AIG1: variants seen among roughly 807,000 people sequenced by gnomAD.
AIG1 encodes the protein androgen induced 1.
Under a neutral mutation model 31.4 loss-of-function variants are expected in AIG1, and 23 were observed. The observed-to-expected ratio is 0.73, with a 90% CI of 0.53 to 1.04. The LOEUF (loss-of-function observed/expected upper bound fraction) is 1.04. AIG1 is among the 50% of genes least tolerant of loss of function. AIG1 has a pLI of 0.00. For missense variants in AIG1, 274 were observed against 295.0 expected, an observed-to-expected ratio of 0.93 and a Z score of 0.52; for synonymous variants, 100 against 110.5, an observed-to-expected ratio of 0.90 and a Z score of 0.60.
At chr6:143,342,860 G>A (rs1777883774), downstream of AIG1, 7 of 837,352 alleles carry the variant, frequency 8.4e-6, no homozygotes, top group South Asian at 9.3e-5. Flanking sequence ...AAAGTCCGTT[G>A]TTCTCCAATG....
chr6:143,092,933 C>A (rs1016270404), intron 1 of AIG1, among the ~76,000 whole-genome samples: 1 of 152,026 alleles, frequency 6.6e-6, no homozygotes. Flanking sequence ...GGCTATAGTC[C>A]CAGGTACTCA....
intron 4 of AIG1, among the ~76,000 whole-genome samples, chr6:143,302,138 GA>G (rs756042356): frequency 1.9e-4 from 28 of 151,294 alleles, no homozygotes; most frequent in Non-Finnish European, 3.7e-4. Flanking sequence ...AACTATGGAA[GA>G]AAAGAGAATT....
Position 143,104,328 on chromosome 6 carries a change from A to G in AIG1, c.142-32507A>G, listed in dbSNP as rs140747749. ...TCCTCTCATCCCTTCACAGAAGTAA[A>G]TGAAAGACTCTGCCTCTCTTTTAAT... is the stretch of plus-strand genomic sequence containing the variant. On this transcript the variant is annotated intron_variant, in intron 1 of 5. Transcript: ENST00000357847. 8.6e-3 allele frequency among the ~76,000 whole-genome samples: 1,315 copies of G among 152,350 alleles called. 14 individuals are homozygous for G. The highest frequency in any genetic ancestry group is 0.023 in the African/African-American group (960 of 41,582).
chr6:143,189,216 T>A (rs976179180), intron 3 of AIG1: 27 of 434,544 alleles, frequency 6.2e-5, no homozygotes, highest in Non-Finnish European at 7.7e-5. Flanking sequence ...GCTACTTTTT[T>A]AAAAATTTTT....
rs113648231 is a variant in AIG1, at chr6:143,175,393, C to A, written c.399+10210C>A. 7.4e-3 allele frequency among the ~76,000 whole-genome samples: 1,126 copies of A among 152,352 alleles called. 14 individuals carry two copies. The highest frequency in any genetic ancestry group is 0.026 in the African/African-American group (1,088 of 41,582). On this transcript the variant is annotated intron_variant, in intron 3 of 5. Transcript: ENST00000357847. ...AGTTTTGCTCGATTATTTCCTCAAA[C>A]ATGTTTTCCAGATATTTGGATTTCC...
chr6:143,084,873 G>A lies in AIG1; in HGVS notation c.141+23807G>A, dbSNP rs1384950578. On this transcript the variant is annotated intron_variant, in intron 1 of 5. Transcript: ENST00000357847. ...GTTCTGATTCTGCATCCTAATGAGG[G>A]TCTACACTGGGAAGTGCTTGCTGGC... is the stretch of plus-strand genomic sequence containing the variant. Among the ~76,000 whole-genome samples, 4 of 152,116 alleles carry A rather than the reference G, an allele frequency of 2.6e-5. No individual in the cohort carries two copies. The East Asian group carries it at 7.7e-4, about 29-fold the overall frequency.
Position 143,190,540 on chromosome 6 carries a change from T to C in AIG1, c.399+25357T>C, listed in dbSNP as rs1041072937. 4.1e-6 allele frequency: 4 copies of C among 985,060 alleles called. No homozygotes were observed. The East Asian group carries it at 4.5e-4, about 112-fold the overall frequency. 61.0% of individuals were successfully genotyped at this position (985,060 alleles called of 1,614,324 possible). A position where few individuals can be genotyped will look rare whatever the true frequency, so the allele number is the denominator to read the frequency against. On this transcript the variant is annotated intron_variant, in intron 3 of 5. Coordinates refer to ENST00000357847, the MANE Select transcript of AIG1 (RefSeq NM_016108.4). ...TTCATTGTCCTGTTCTTTTTAAGAA[T>C]CATATGAGATTATTTTTGTGTATGT...
rs139914225 is a variant in AIG1, at chr6:143,065,478, T to TTCATTCAG, written c.141+4419_141+4420insGTCATTCA. On this transcript the variant is annotated intron_variant, in intron 1 of 5. Transcript: ENST00000357847. ...ATGAATTTTCTTCAAGTGATGTGGA[T>TTCATTCAG]TCATTCACTAGCAAAATGATTATGC... is the stretch of plus-strand genomic sequence containing the variant. Among the ~76,000 whole-genome samples, 35 of 151,764 alleles carry TTCATTCAG rather than the reference T, an allele frequency of 2.3e-4. 1 individual carries two copies. In the East Asian group the frequency reaches 6.2e-3, roughly 27 times the overall value.
At chr6:143,064,964 A>G (rs1018500690) in intron 1 of AIG1, among the ~76,000 whole-genome samples, 3 of 152,180 alleles carry the variant, frequency 2.0e-5, no homozygotes, top group African/African-American at 7.2e-5. Context: ...TAGCTAATGG[A>G]AAATTACAGT....
chr6:143,271,726 A>G (rs1796541038), intron 3 of AIG1, among the ~76,000 whole-genome samples: 1 of 152,220 alleles, frequency 6.6e-6, no homozygotes, highest in African/African-American at 2.4e-5. Context: ...TTTTGTGAAT[A>G]CGCGGCTTAA....
At chr6:143,230,834 A>G (rs1343591075) in intron 3 of AIG1, among the ~76,000 whole-genome samples, 2 of 152,192 alleles carry the variant, frequency 1.3e-5, no homozygotes, top group Non-Finnish European at 2.9e-5. Context: ...TCAACAGAGG[A>G]AAGTCTGACT....
intron 3 of AIG1, among the ~76,000 whole-genome samples, chr6:143,197,913 C>T (rs946077098): frequency 1.3e-5 from 2 of 152,136 alleles, no homozygotes; most frequent in South Asian, 2.1e-4. Context: ...TTTTCATCCA[C>T]GAGTATCTCC....
intron 1 of AIG1, among the ~76,000 whole-genome samples, chr6:143,105,343 T>C (rs1780706081): frequency 1.3e-5 from 2 of 152,326 alleles, no homozygotes; most frequent in South Asian, 4.1e-4. Context: ...ATGAGGTTGC[T>C]GAGGAACCCA....
chr6:143,320,101 G>A (rs1485630061), intron 4 of AIG1, among the ~76,000 whole-genome samples: 1 of 152,070 alleles, frequency 6.6e-6, no homozygotes, highest in East Asian at 1.9e-4. Flanking sequence ...GACACACACG[G>A]CCAGCAAATA....
rs144181373 is a variant in AIG1, at chr6:143,107,578, T to G, written c.142-29257T>G. ...AAAAAAAAAATATGCCAACTGGCTA[T>G]ATCTGGAAACCTCAGTATCTATTTA... On this transcript the variant is annotated intron_variant, in intron 1 of 5. Coordinates refer to ENST00000357847, the MANE Select transcript of AIG1 (RefSeq NM_016108.4). 5.8e-3 allele frequency among the ~76,000 whole-genome samples: 887 copies of G among 152,206 alleles called. 12 individuals are homozygous for G. The highest frequency in any genetic ancestry group is 0.018 in the African/African-American group (747 of 41,536).
chr6:143,205,457 C>T (rs962952184), intron 3 of AIG1, among the ~76,000 whole-genome samples: 2 of 152,116 alleles, frequency 1.3e-5, no homozygotes, highest in African/African-American at 4.8e-5. Context: ...TTAGAAGCTT[C>T]TAATTCATTT....
rs1161991931 is a variant in AIG1, at chr6:143,293,645, G to T, written c.515+9420G>T. On this transcript the variant is annotated intron_variant, in intron 4 of 5. Transcript: ENST00000357847. The surrounding 1 kb of genome is among the most constrained non-coding windows in gnomAD (Gnocchi z 4.8). ...CAATCCCCAGTATTTATTATTCTGAGTTTTTTGTTCTCCTACCCCCAACAG... is the reference window on the plus strand; with the variant it reads ...CAATCCCCAGTATTTATTATTCTGATTTTTTTGTTCTCCTACCCCCAACAG... 1.3e-5 allele frequency among the ~76,000 whole-genome samples: 2 copies of T among 152,164 alleles called. No homozygotes were observed. The highest frequency in any genetic ancestry group is 6.5e-5 in the Admixed American group (1 of 15,282).
rs965791264 is a variant in AIG1, at chr6:143,256,715, T to C, written c.400-27395T>C. On this transcript the variant is annotated intron_variant, in intron 3 of 5. Transcript: ENST00000357847. The surrounding 1 kb of genome is among the most constrained non-coding windows in gnomAD (Gnocchi z 4.6). The stretch of plus-strand genomic sequence containing the variant: ...TTTATATATATGATTCCCCACTTCA[T>C]TGGCAGTTTGTAGCAAATTCTTATT... 3.9e-5 allele frequency among the ~76,000 whole-genome samples: 6 copies of C among 152,248 alleles called. No individual in the cohort carries two copies. The highest frequency in any genetic ancestry group is 1.2e-4 in the African/African-American group (5 of 41,466).
chr6:143,240,785 A>G (rs755855353), intron 3 of AIG1, among the ~76,000 whole-genome samples: 6 of 152,218 alleles, frequency 3.9e-5, no homozygotes, highest in African/African-American at 7.2e-5. Context: ...ATTGGATTCA[A>G]TGGGAAAGTG....
Sources: gnomAD v4.1 joint callset for allele counts (sites outside exome capture counted in the v4.1 genomes callset) on GRCh38, gnomAD v4.1.1 for gene constraint, Gnocchi (gnomAD v3.1) non-coding constraint, MANE v1.5 for transcripts, NCBI Gene and HGNC (gene_info 2026-07-23, HGNC 2026-07-21) for gene names.